CSPP1: variants seen among roughly 807,000 people sequenced by gnomAD.
The protein encoded by CSPP1 is centrosome and spindle pole associated protein 1.
A neutral mutation model predicts 164.4 loss-of-function variants in CSPP1; 126 were observed. The observed-to-expected ratio is 0.77, with a 90% CI of 0.66 to 0.89. The LOEUF (loss-of-function observed/expected upper bound fraction) is 0.89. Among genes scored for constraint, CSPP1 ranks in the 40% least tolerant of loss-of-function variants. CSPP1 has a pLI of 0.00. For synonymous variants in CSPP1, 472 were observed against 476.7 expected, an observed-to-expected ratio of 0.99 and a Z score of 0.13; for missense variants, 1,395 against 1,449.8, an observed-to-expected ratio of 0.96 and a Z score of 0.61.
At chr8:67,072,697 A>G (rs1001227894) in intron 1 of CSPP1, among the ~76,000 whole-genome samples, 1 of 151,966 alleles carries the variant, frequency 6.6e-6, no homozygotes, top group Non-Finnish European at 1.5e-5. Context: ...TGTGTCTGCA[A>G]TAAACAAACA....
chr8:67,137,945 A>T (rs975772581), intron 17 of CSPP1, among the ~76,000 whole-genome samples: 8 of 152,000 alleles, frequency 5.3e-5, no homozygotes, highest in East Asian at 1.9e-4. Context: ...ATTACAATTT[A>T]AAAAAAATAA....
At chr8:67,192,104 G>A (rs1183706842) in intron 29 of CSPP1, among the ~76,000 whole-genome samples, 1 of 136,876 alleles carries the variant, frequency 7.3e-6, no homozygotes, top group East Asian at 2.2e-4. Context: ...ACAGAGTCCT[G>A]CTCTGTCACC....
intron 27 of CSPP1, among the ~76,000 whole-genome samples, chr8:67,178,182 T>G (rs536984909): frequency 6.6e-6 from 1 of 152,276 alleles, no homozygotes; most frequent in East Asian, 1.9e-4. Flanking sequence ...CCTGGCCCAT[T>G]ATGAGTGCAG....
intron 28 of CSPP1, among the ~76,000 whole-genome samples, chr8:67,181,030 G>T (rs1331259184): frequency 2.0e-5 from 3 of 147,628 alleles, no homozygotes; most frequent in Admixed American, 6.8e-5. Context: ...TCTCTTAATG[G>T]TTTTTTTTTT....
intron 21 of CSPP1, among the ~76,000 whole-genome samples, chr8:67,160,361 A>C (rs1407042385): frequency 1.3e-5 from 2 of 151,328 alleles, no homozygotes; most frequent in South Asian, 2.1e-4. Flanking sequence ...GCTACTCAGG[A>C]GGCTGAGGCA....
intron 15 of CSPP1, among the ~76,000 whole-genome samples, chr8:67,129,562 A>G (rs1383989256): frequency 6.6e-6 from 1 of 152,218 alleles, no homozygotes; most frequent in African/African-American, 2.4e-5. Flanking sequence ...TTGGATGTGA[A>G]TGTTTATAGC....
Position 67,181,012 on chromosome 8 carries a change from T to C in CSPP1, c.3220+1086T>C, listed in dbSNP as rs1314008330. Among the ~76,000 whole-genome samples, 5 of 152,026 alleles carry C rather than the reference T, an allele frequency of 3.3e-5. 1 individual carries two copies. The highest frequency in any genetic ancestry group is 7.4e-5 in the Non-Finnish European group (5 of 68,008). On this transcript the variant is annotated intron_variant, in intron 28 of 30. Transcript: ENST00000678616. The stretch of plus-strand genomic sequence containing the variant: ...CATGTGATAAAATTCCAAATTAACT[T>C]ATATTTTTCTCTTAATGGTTTTTTT...
intron 16 of CSPP1, chr8:67,134,551 C>CTTTTTTTTTTTTTTTTTTTTTTTTT (rs35436646): frequency 9.5e-6 from 1 of 104,722 alleles, no homozygotes; most frequent in Non-Finnish European, 1.8e-5. Flanking sequence ...TTAGCATCAT[C>CTTTTTTTTTTTTTTTTTTTTTTTTT]TTTTTTTTTT....
At position 67,112,014 on chromosome 8, in the gene CSPP1, A is replaced by G; in HGVS notation, c.1136A>G (p.Tyr379Cys). The G allele has an allele frequency of 6.2e-7, 1 of 1,612,206 alleles. No individual in the cohort carries two copies. Among genetic ancestry groups the G allele is most frequent in the Non-Finnish European group, 8.5e-7 (1 of 1,179,004 alleles). ...RELIQRRKEK[Y>C]RLELLEQMAE... ...CTTATTCAGAGAAGGAAAGAGAAAT[A>G]CAGACTAGAACTGTTGGAACAAATG... Residue 379 changes from tyrosine to cysteine, a missense_variant, in exon 10 of 31, where the codon TAC (tyrosine) becomes TGC (cysteine). Tyr to Cys is a radical substitution (Grantham distance 194). Coordinates refer to ENST00000678616, the MANE Select transcript of CSPP1 (RefSeq NM_001382391.1).
intron 24 of CSPP1, among the ~76,000 whole-genome samples, chr8:67,170,167 G>A (rs936541007): frequency 2.2e-4 from 33 of 151,928 alleles, no homozygotes; most frequent in Admixed American, 7.2e-4. Context: ...AATTCTGACC[G>A]GATATGGTGG....
At chr8:67,099,624 A>G (rs1224907240) in intron 7 of CSPP1, among the ~76,000 whole-genome samples, 2 of 152,160 alleles carry the variant, frequency 1.3e-5, no homozygotes, top group East Asian at 1.9e-4. Flanking sequence ...TGGTAAAACC[A>G]CTGCTGATTC....
chr8:67,074,375 A>T, intron 2 of CSPP1, 24 bp downstream of exon 2: 1 of 1,424,790 alleles, frequency 7.0e-7, no homozygotes, highest in Non-Finnish European at 9.8e-7. Flanking sequence ...TTTTCTTTGA[A>T]CATGTTTTAT....
At chr8:67,107,341 C>G (rs895828455) in intron 9 of CSPP1, among the ~76,000 whole-genome samples, 4 of 152,188 alleles carry the variant, frequency 2.6e-5, no homozygotes, top group African/African-American at 7.2e-5. Context: ...AGCCACTGTT[C>G]CCGGCCGATG....
At chr8:67,070,711 C>G (rs994789369) in intron 1 of CSPP1, among the ~76,000 whole-genome samples, 1 of 146,222 alleles carries the variant, frequency 6.8e-6, no homozygotes, top group African/African-American at 2.6e-5. Flanking sequence ...TTTGCTAAAA[C>G]TATATATGTA....
chr8:67,102,538 C>T (rs981440944), intron 7 of CSPP1, among the ~76,000 whole-genome samples: 2 of 151,882 alleles, frequency 1.3e-5, no homozygotes, highest in Admixed American at 6.6e-5. Context: ...TGCAGTGAGC[C>T]GAGATTGTGC....
In CSPP1 at chr8:67,091,843, T is replaced by A; in HGVS notation, c.344T>A (p.Leu115Ter). The A allele has an allele frequency of 7.4e-7, 1 of 1,351,780 alleles. No homozygotes were observed. The highest frequency in any genetic ancestry group is 1.2e-5 in the South Asian group (1 of 85,482). 83.7% of individuals were successfully genotyped at this position (1,351,780 alleles called of 1,614,324 possible). ...ACGAGTGAAACAGATCCATCTACTT[T>A]GGGAGTTTCTCTTCCTATTGGTGAG... ...LSTSETDPST[L>*]GVSLPIGERL... The change falls in exon 5 of 31, where the codon TTG becomes TAG. Residue 115 changes from leucine to a stop codon, truncating the protein, a stop_gained. Transcript: ENST00000678616. LOFTEE classifies it high-confidence loss of function.
intron 6 of CSPP1, 128 bp downstream of exon 6, chr8:67,093,769 T>A (rs942548812): frequency 2.0e-5 from 10 of 509,992 alleles, no homozygotes; most frequent in African/African-American, 1.6e-4. Flanking sequence ...TAAGCCAAAT[T>A]AAACCAAACA....
chr8:67,107,982 A>AGTT (rs1444531413), intron 9 of CSPP1, among the ~76,000 whole-genome samples: 1 of 60,186 alleles, frequency 1.7e-5, no homozygotes, highest in African/African-American at 7.6e-5. Flanking sequence ...TCTTTGACAA[A>AGTT]GTTTTTTTTT....
intron 24 of CSPP1, among the ~76,000 whole-genome samples, chr8:67,169,043 G>C (rs1830012169): frequency 6.6e-6 from 1 of 152,096 alleles, no homozygotes; most frequent in Non-Finnish European, 1.5e-5. Flanking sequence ...TTAGAGCAGG[G>C]GCATTGTCTG....
Sources: allele counts gnomAD v4.1 joint callset (sites outside exome capture counted in the v4.1 genomes callset), GRCh38; gene constraint gnomAD v4.1.1; transcripts MANE v1.5; gene names NCBI Gene and HGNC (gene_info 2026-07-23, HGNC 2026-07-21).